DNAH12: variants seen among roughly 807,000 people sequenced by gnomAD.
The protein encoded by DNAH12 is dynein axonemal heavy chain 12.
A neutral mutation model predicts 371.5 loss-of-function variants in DNAH12; 285 were observed. The observed-to-expected ratio is 0.77, with a 90% CI of 0.70 to 0.85. DNAH12 has a LOEUF of 0.85. Ranked by LOEUF, DNAH12 falls within the 40% of genes least tolerant of loss-of-function variation. The pLI is 0.00. For missense variants in DNAH12, 3,611 were observed against 3,689.4 expected (o/e 0.98, Z 0.55); for synonymous variants, 1,200 against 1,213.0 (o/e 0.99, Z 0.22).
chr3:57,386,957 T>C (rs1317971208), intron 46 of DNAH12, 129 bp downstream of exon 46: 1 of 152,202 alleles, frequency 6.6e-6, no homozygotes, highest in Non-Finnish European at 1.5e-5. Flanking sequence ...AGACCCAAGA[T>C]ATCATGTAAA....
chr3:57,309,753 G>A lies in DNAH12; in HGVS notation c.10998C>T (p.Leu3666=), dbSNP rs758090839. The A allele has an allele frequency of 4.5e-6, 7 of 1,551,406 alleles. No individual in the cohort carries two copies. The South Asian group carries it at 7.1e-5, about 16-fold the overall frequency. The change falls in exon 68 of 74, where the codon CTC becomes CTT. Residue 3666 remains leucine, a synonymous_variant. Transcript: ENST00000495027. The part of the protein sequence containing the change: ...QQTKTLFESL[L]LTQGGSKQTG... ...TCTGTTTGGAGCCTCCCTGGGTGAG[G>A]AGCAAGGACTCAAAGAGGGTTTTTG... is the stretch of plus-strand genomic sequence containing the variant.
At chr3:57,444,111 G>A (rs4616608) in intron 29 of DNAH12, among the ~76,000 whole-genome samples, 92,432 of 151,662 alleles carry the variant, frequency 0.61, 28,439 homozygotes, top group South Asian at 0.73. Context: ...TGAGGCAGGA[G>A]AACAGGTTGA....
At chr3:57,322,967 C>G (rs969746432) in intron 64 of DNAH12, 40 bp downstream of exon 64, 15 of 1,536,010 alleles carry the variant, frequency 9.8e-6, no homozygotes, top group African/African-American at 1.4e-5. Flanking sequence ...ATACAGATAG[C>G]TAAGTAAATG....
At chr3:57,369,228 A>T (rs1036052924) in intron 55 of DNAH12, among the ~76,000 whole-genome samples, 2,318 of 131,638 alleles carry the variant, frequency 0.018, 32 homozygotes, top group South Asian at 0.032. Context: ...TTAAAAAAAA[A>T]ATATATATAT....
At chr3:57,441,867 G>A (rs575974986) in intron 29 of DNAH12, among the ~76,000 whole-genome samples, 1 of 151,910 alleles carries the variant, frequency 6.6e-6, no homozygotes, top group East Asian at 1.9e-4. Flanking sequence ...CAAATCCCAG[G>A]CAATAAAGTA....
At chr3:57,486,152 G>GT (rs1381420528) in intron 12 of DNAH12, among the ~76,000 whole-genome samples, 3 of 149,710 alleles carry the variant, frequency 2.0e-5, no homozygotes, top group Non-Finnish European at 4.4e-5. Flanking sequence ...TTGAACCTGG[G>GT]AGGCAGAGGT....
At chr3:57,337,863 T>C (rs1353211318) in intron 60 of DNAH12, among the ~76,000 whole-genome samples, 2 of 152,160 alleles carry the variant, frequency 1.3e-5, no homozygotes, top group Non-Finnish European at 2.9e-5. Flanking sequence ...AACTGTACCA[T>C]AGACCAAAAA....
At chr3:57,474,269 G>T (rs1238887916) in intron 13 of DNAH12, among the ~76,000 whole-genome samples, 2 of 152,104 alleles carry the variant, frequency 1.3e-5, no homozygotes, top group Non-Finnish European at 2.9e-5. Context: ...ATTAAGAAGA[G>T]AAATTTAAAA....
intron 4 of DNAH12, among the ~76,000 whole-genome samples, chr3:57,522,472 T>C (rs2068486503): frequency 6.6e-6 from 1 of 152,170 alleles, no homozygotes; most frequent in Admixed American, 6.5e-5. Context: ...ATGTTGTGTA[T>C]CAGTAATTAT....
intron 12 of DNAH12, among the ~76,000 whole-genome samples, chr3:57,487,776 T>A (rs1372640992): frequency 6.6e-6 from 1 of 152,228 alleles, no homozygotes; most frequent in African/African-American, 2.4e-5. Context: ...AATAAGATAA[T>A]TATTTTGTGA....
Position 57,415,528 on chromosome 3 carries a change from T to C in DNAH12, c.5751A>G (p.Lys1917=). ...LLFVGPTGTG[K]SVYVKDKLMN... ...TTAGCTTATCCTTCACATACACAGATTTTCCTGTACCCGTTGGACCCACAA... is the reference window on the plus strand; with the variant it reads ...TTAGCTTATCCTTCACATACACAGACTTTCCTGTACCCGTTGGACCCACAA... The change falls in exon 38 of 74, where the codon AAA becomes AAG. Residue 1917 remains lysine (K), a synonymous_variant. Transcript: ENST00000495027. The C allele has an allele frequency of 6.5e-7, 1 of 1,550,180 alleles. No homozygotes were observed. Among genetic ancestry groups the C allele is most frequent in the Non-Finnish European group, 8.7e-7 (1 of 1,146,714 alleles).
chr3:57,545,561 C>G (rs2069512104), upstream of DNAH12, among the ~76,000 whole-genome samples: 1 of 151,914 alleles, frequency 6.6e-6, no homozygotes, highest in Non-Finnish European at 1.5e-5. Flanking sequence ...GCTCTGTCAC[C>G]CAGGCTGGAG....
chr3:57,463,529 A>C (rs1024921843), intron 17 of DNAH12, among the ~76,000 whole-genome samples: 1 of 152,080 alleles, frequency 6.6e-6, no homozygotes, highest in Non-Finnish European at 1.5e-5. Context: ...GTCATGTTTT[A>C]ACTTTGTATA....
chr3:57,414,828 T>C (rs1381412853), intron 38 of DNAH12, among the ~76,000 whole-genome samples: 1 of 152,102 alleles, frequency 6.6e-6, no homozygotes, highest in Non-Finnish European at 1.5e-5. Flanking sequence ...GTGAAGAACA[T>C]AGACTTAAAA....
chr3:57,427,170 G>GTGTGTGTGTGTGTGTA (rs1559646583), intron 34 of DNAH12, among the ~76,000 whole-genome samples: 15 of 151,700 alleles, frequency 9.9e-5, no homozygotes, highest in African/African-American at 3.1e-4. Context: ...GTGTGTGTGT[G>GTGTGTGTGTGTGTGTA]TGTAGGAGAT....
chr3:57,491,452 A>G (rs2067122483), intron 11 of DNAH12, among the ~76,000 whole-genome samples: 3 of 152,206 alleles, frequency 2.0e-5, no homozygotes, highest in African/African-American at 7.2e-5. Context: ...CATATGTACT[A>G]TGTATGTTAT....
At chr3:57,451,575 G>A (rs2065755829) in intron 25 of DNAH12, among the ~76,000 whole-genome samples, 1 of 152,200 alleles carries the variant, frequency 6.6e-6, no homozygotes, top group Non-Finnish European at 1.5e-5. Flanking sequence ...GGTGGCAGAG[G>A]TTGCAGTGAG....
Position 57,429,699 on chromosome 3 carries a change from G to A in DNAH12, c.5056C>T (p.Gln1686Ter). ...SLIFETMDLS[Q>*]ASPATVSRCG... ...TTAAATTATGAACTTACGGATGCCT[G>A]GGAAAGGTCCATTGTTTCAAAGATG... Residue 1686 changes from glutamine (Q) to a stop codon, truncating the protein, a stop_gained, in exon 33 of 74, where the codon CAG becomes TAG. Transcript: ENST00000495027. LOFTEE classifies it high-confidence loss of function. 6.5e-7 allele frequency: 1 copy of A among 1,535,208 alleles called. No homozygotes were observed. The highest frequency in any genetic ancestry group is 8.8e-7 in the Non-Finnish European group (1 of 1,141,404).
At chr3:57,474,565 G>A (rs1363306231) in intron 13 of DNAH12, among the ~76,000 whole-genome samples, 2 of 151,990 alleles carry the variant, frequency 1.3e-5, no homozygotes, top group South Asian at 2.1e-4. Flanking sequence ...CACAGTGCTG[G>A]GATTTTAGGC....
Sources: allele counts gnomAD v4.1 joint callset (sites outside exome capture counted in the v4.1 genomes callset), GRCh38; gene constraint gnomAD v4.1.1; transcripts MANE v1.5; gene names NCBI Gene and HGNC (gene_info 2026-07-23, HGNC 2026-07-21).